FGFR2: variants seen among roughly 807,000 people sequenced by gnomAD.
FGFR2 encodes BEK fibroblast growth factor receptor.
FGFR2 carries 19 observed loss-of-function variants against 95.9 expected under a neutral mutation model. That is an observed-to-expected ratio of 0.20 (90% CI 0.14 to 0.29). The LOEUF is 0.29. Among genes scored for constraint, FGFR2 ranks in the 10% least tolerant of loss-of-function variants. FGFR2 has a pLI of 1.00. For missense variants in FGFR2, 707 were observed against 1,056.9 expected, an observed-to-expected ratio of 0.67 and a Z score of 4.59; for synonymous variants, 392 against 393.3, an observed-to-expected ratio of 1.00 and a Z score of 0.04.
chr10:121,484,416 C>T (rs566664396), intron 16 of FGFR2, among the ~76,000 whole-genome samples: 4 of 152,026 alleles, frequency 2.6e-5, no homozygotes, highest in South Asian at 2.1e-4. Flanking sequence ...AGATCCTCTA[C>T]GTTACAAAAG....
At chr10:121,524,120 A>T (rs1380246624) in intron 6 of FGFR2, among the ~76,000 whole-genome samples, 1 of 147,666 alleles carries the variant, frequency 6.8e-6, no homozygotes, top group Non-Finnish European at 1.5e-5. Context: ...ACACACACAC[A>T]CACACACACA....
chr10:121,547,093 G>A (rs1179431873), intron 5 of FGFR2, among the ~76,000 whole-genome samples: 2 of 152,010 alleles, frequency 1.3e-5, no homozygotes, highest in African/African-American at 4.8e-5. Flanking sequence ...GTGTGGTGGC[G>A]GGCACCTGTA....
At chr10:121,545,208 C>T (rs965200438) in intron 5 of FGFR2, among the ~76,000 whole-genome samples, 7 of 152,238 alleles carry the variant, frequency 4.6e-5, no homozygotes, top group South Asian at 2.1e-4. Flanking sequence ...ATATCCCCAA[C>T]TTTGCTCTCA....
At position 121,488,066 on chromosome 10, in the gene FGFR2, G is replaced by A. The variant is rs149008039; in HGVS notation, c.1911C>T (p.Asn637=). Residue 637 remains asparagine (N), a synonymous_variant, in exon 14 of 18, where the codon AAC becomes AAT. Transcript: ENST00000358487. ...LAARNVLVTE[N]NVMKIADFGL... is the part of the protein sequence containing the mutation. Reference sequence around the variant, plus strand: ...CAAAGTCTGCTATTTTCATCACATTGTTTTCTGTTACCAAAACATTTCTGG... The same window carrying A: ...CAAAGTCTGCTATTTTCATCACATTATTTTCTGTTACCAAAACATTTCTGG... 4.7e-5 allele frequency: 76 copies of A among 1,613,972 alleles called. No individual in the cohort carries two copies. The African/African-American group carries it at 8.7e-4, about 18-fold the overall frequency.
At chr10:121,589,242 G>A (rs1862273623) in intron 2 of FGFR2, among the ~76,000 whole-genome samples, 1 of 152,124 alleles carries the variant, frequency 6.6e-6, no homozygotes, top group African/African-American at 2.4e-5. Flanking sequence ...TAGATTAGAG[G>A]GAGTTTTTAA....
chr10:121,540,770 C>A (rs1274553486), intron 5 of FGFR2, among the ~76,000 whole-genome samples: 1 of 152,168 alleles, frequency 6.6e-6, no homozygotes, highest in African/African-American at 2.4e-5. Flanking sequence ...GTTCTTTGAG[C>A]CCCCGCTCAA....
chr10:121,510,260 T>C (rs1273258981), intron 9 of FGFR2, among the ~76,000 whole-genome samples: 2 of 152,182 alleles, frequency 1.3e-5, no homozygotes, highest in Non-Finnish European at 2.9e-5. Flanking sequence ...ATCAGAGCCA[T>C]GACGCACCAG....
At chr10:121,516,803 CAA>C (rs1849754404) in intron 8 of FGFR2, among the ~76,000 whole-genome samples, 1 of 152,178 alleles carries the variant, frequency 6.6e-6, no homozygotes, top group East Asian at 1.9e-4. Context: ...CAACATGCAG[CAA>C]GCCACCGATC....
intron 9 of FGFR2, among the ~76,000 whole-genome samples, chr10:121,509,342 T>C (rs1387524068): frequency 6.6e-6 from 1 of 152,068 alleles, no homozygotes; most frequent in Non-Finnish European, 1.5e-5. Context: ...CTCTCCAGCA[T>C]GTGCCATAAG....
intron 6 of FGFR2, among the ~76,000 whole-genome samples, chr10:121,535,473 C>T (rs1852700418): frequency 6.6e-6 from 1 of 152,200 alleles, no homozygotes; most frequent in African/African-American, 2.4e-5. Context: ...TTCTAACATT[C>T]ATGAGTTCCA....
intron 2 of FGFR2, among the ~76,000 whole-genome samples, chr10:121,576,366 G>A (rs1164575992): frequency 3.9e-5 from 6 of 152,148 alleles, no homozygotes. Flanking sequence ...TGCCTGGCCA[G>A]CCCAGCCCGA....
chr10:121,563,293 GA>G (rs1405411922), intron 4 of FGFR2, among the ~76,000 whole-genome samples: 3 of 152,266 alleles, frequency 2.0e-5, no homozygotes, highest in Admixed American at 6.5e-5. Flanking sequence ...AGAATTGCTT[GA>G]ACCTGGGAGG....
At chr10:121,560,470 C>T (rs959258576) in intron 4 of FGFR2, among the ~76,000 whole-genome samples, 2 of 151,838 alleles carry the variant, frequency 1.3e-5, no homozygotes, top group Non-Finnish European at 2.9e-5. Context: ...AAAAAATTAG[C>T]CGGGTGTGGT....
At chr10:121,557,834 A>G (rs1295473819) in intron 4 of FGFR2, among the ~76,000 whole-genome samples, 3 of 152,218 alleles carry the variant, frequency 2.0e-5, no homozygotes, top group Admixed American at 6.5e-5. Context: ...AATCAATGAA[A>G]TGAGTTTGGA....
chr10:121,550,314 T>C (rs1855179536), intron 5 of FGFR2, among the ~76,000 whole-genome samples: 1 of 152,170 alleles, frequency 6.6e-6, no homozygotes, highest in South Asian at 2.1e-4. Context: ...TAAGAGCCCC[T>C]TGGAGCTGGG....
At chr10:121,597,120 G>GGGTGCGA (rs1380886186) in intron 1 of FGFR2, among the ~76,000 whole-genome samples, 1 of 152,220 alleles carries the variant, frequency 6.6e-6, no homozygotes, top group Non-Finnish European at 1.5e-5. Context: ...CAAGGGAGCG[G>GGGTGCGA]GGTGCGAGGA....
At chr10:121,487,654 C>T (rs1019419448) in intron 14 of FGFR2, among the ~76,000 whole-genome samples, 1 of 152,182 alleles carries the variant, frequency 6.6e-6, no homozygotes, top group Non-Finnish European at 1.5e-5. Flanking sequence ...CTCCCTAGCA[C>T]ACAGATGCTC....
intron 4 of FGFR2, among the ~76,000 whole-genome samples, chr10:121,554,794 AG>A (rs1404904551): frequency 1.3e-5 from 2 of 152,200 alleles, no homozygotes; most frequent in Non-Finnish European, 2.9e-5. Context: ...TTCCTTCATC[AG>A]CAGCCTTGTG....
chr10:121,502,327 GC>G (rs1343553422), intron 10 of FGFR2, among the ~76,000 whole-genome samples: 1 of 152,118 alleles, frequency 6.6e-6, no homozygotes, highest in Non-Finnish European at 1.5e-5. Flanking sequence ...TTTCTCTGGT[GC>G]CCCACCAGTA....
Sources: gnomAD v4.1 joint callset for allele counts (sites outside exome capture counted in the v4.1 genomes callset) on GRCh38, gnomAD v4.1.1 for gene constraint, MANE v1.5 for transcripts, NCBI Gene and HGNC (gene_info 2026-07-23, HGNC 2026-07-21) for gene names.